The following RELN variants were observed in gnomAD, a reference collection of about 807,000 sequenced individuals.
RELN encodes reelin.
Under a neutral mutation model 427.6 loss-of-function variants are expected in RELN, and 108 were observed. The observed-to-expected ratio is 0.25, with a 90% CI of 0.22 to 0.30. The LOEUF is 0.30. Ranked by LOEUF, RELN falls within the 10% of genes least tolerant of loss-of-function variation. RELN has a pLI of 1.00. For synonymous variants in RELN, 1,524 were observed against 1,513.4 expected (o/e 1.01, Z -0.16); for missense variants, 3,715 against 4,302.8 (o/e 0.86, Z 3.82).
At chr7:103,669,687 T>G (rs1833348859) in intron 11 of RELN, among the ~76,000 whole-genome samples, 1 of 152,112 alleles carries the variant, frequency 6.6e-6, no homozygotes, top group Non-Finnish European at 1.5e-5. Flanking sequence ...ACATCTCGGA[T>G]GGCATGGCAA....
At chr7:103,742,312 G>A (rs112217064) in intron 6 of RELN, among the ~76,000 whole-genome samples, 46,157 of 151,912 alleles carry the variant, frequency 0.3, 7,713 homozygotes, top group Non-Finnish European at 0.38. Flanking sequence ...CACAAAGATG[G>A]GAAAAAAACA....
At chr7:103,946,314 T>C (rs1584391609) in intron 1 of RELN, among the ~76,000 whole-genome samples, 1 of 152,344 alleles carries the variant, frequency 6.6e-6, no homozygotes, top group Non-Finnish European at 1.5e-5. Flanking sequence ...CTTTTTAAGA[T>C]AACTATGGCT....
chr7:103,691,619 C>T (rs553765172), intron 10 of RELN, among the ~76,000 whole-genome samples: 3 of 152,134 alleles, frequency 2.0e-5, no homozygotes, highest in South Asian at 4.1e-4. Flanking sequence ...TCCAGACCAG[C>T]CTGCCTAACA....
chr7:103,897,926 T>C (rs1794997404), intron 2 of RELN, among the ~76,000 whole-genome samples: 1 of 152,144 alleles, frequency 6.6e-6, no homozygotes, highest in South Asian at 2.1e-4. Flanking sequence ...ACTCTCTCCC[T>C]AGCCTACTTC....
chr7:103,503,217 C>T lies in RELN; in HGVS notation c.8288G>A (p.Cys2763Tyr). Residue 2763 changes from cysteine to tyrosine, a missense_variant, in exon 52 of 65, where the codon TGT becomes TAT. Physicochemically the swap from Cys to Tyr is radical, Grantham distance 194. This residue lies in a region of RELN where 1,310 missense variants were observed against 1,643.0 expected (regional missense o/e 0.80). Transcript: ENST00000428762. ...WIMQFKISVG[C>Y]KVSEKIAQNQ... ...CTGGGCAATTTTTTCAGACACCTTA[C>T]ATCCAACTGAGATCTAATAAACAGA... 6.8e-6 allele frequency: 11 copies of T among 1,613,944 alleles called. No homozygotes were observed. The highest frequency in any genetic ancestry group is 5.9e-6 in the Non-Finnish European group (7 of 1,179,824).
intron 2 of RELN, among the ~76,000 whole-genome samples, chr7:103,876,447 T>C (rs1238360573): frequency 6.6e-6 from 1 of 152,168 alleles, no homozygotes; most frequent in South Asian, 2.1e-4. Context: ...AAAGTATTTA[T>C]TGGTCTATGC....
intron 46 of RELN, among the ~76,000 whole-genome samples, chr7:103,529,721 T>C (rs542561766): frequency 7.9e-5 from 12 of 152,160 alleles, no homozygotes; most frequent in Non-Finnish European, 1.5e-4. Flanking sequence ...GCAGTACTAA[T>C]ACAGTGGTTA....
chr7:103,863,599 G>A (rs949453474), intron 2 of RELN, among the ~76,000 whole-genome samples: 1 of 152,090 alleles, frequency 6.6e-6, no homozygotes, highest in Non-Finnish European at 1.5e-5. Flanking sequence ...AACCCTTAGA[G>A]CTTTGAGGAA....
chr7:103,639,625 C>T (rs1319054121), intron 17 of RELN, among the ~76,000 whole-genome samples: 1 of 152,028 alleles, frequency 6.6e-6, no homozygotes, highest in East Asian at 1.9e-4. Flanking sequence ...GTCTCGAACT[C>T]CTGACCTCAA....
intron 3 of RELN, among the ~76,000 whole-genome samples, chr7:103,798,064 C>G (rs1339665904): frequency 1.3e-5 from 2 of 152,140 alleles, no homozygotes; most frequent in Admixed American, 6.5e-5. Flanking sequence ...TTCCCTGCTC[C>G]GTACTCTTGG....
chr7:103,783,729 G>T (rs887813043), intron 3 of RELN, among the ~76,000 whole-genome samples: 4 of 152,096 alleles, frequency 2.6e-5, no homozygotes, highest in Non-Finnish European at 5.9e-5. Context: ...TTTAAGTATG[G>T]CAAATCAATG....
intron 55 of RELN, 111 bp downstream of exon 55, chr7:103,497,709 T>C: frequency 1.1e-6 from 1 of 871,686 alleles, no homozygotes; most frequent in South Asian, 1.4e-5. Flanking sequence ...TCTTTGTGAG[T>C]TTCACAATTC....
At chr7:103,925,268 C>A (rs1263150920) in intron 1 of RELN, among the ~76,000 whole-genome samples, 7 of 151,960 alleles carry the variant, frequency 4.6e-5, no homozygotes, top group Non-Finnish European at 8.8e-5. Context: ...AATTCTCTAC[C>A]CATTTTTAGC....
chr7:103,834,751 C>G (rs902570668), intron 2 of RELN, among the ~76,000 whole-genome samples: 5 of 152,052 alleles, frequency 3.3e-5, no homozygotes, highest in Non-Finnish European at 7.4e-5. Flanking sequence ...TAATGAGATA[C>G]CACTACACAC....
intron 36 of RELN, 99 bp downstream of exon 36, chr7:103,561,433 T>C: frequency 1.0e-6 from 1 of 973,076 alleles, no homozygotes. Flanking sequence ...AAATATTATG[T>C]CATTTGAAGA....
At chr7:103,477,940 A>G (rs75649212) in intron 64 of RELN, among the ~76,000 whole-genome samples, 2,198 of 152,308 alleles carry the variant, frequency 0.014, 60 homozygotes, top group African/African-American at 0.051. Flanking sequence ...AGGGACCCTC[A>G]TGCATCTTCA....
At chr7:103,654,694 T>C (rs1005550128) in intron 12 of RELN, among the ~76,000 whole-genome samples, 2 of 152,152 alleles carry the variant, frequency 1.3e-5, no homozygotes, top group Non-Finnish European at 2.9e-5. Context: ...ATTTGTACTT[T>C]AAATGCAATT....
intron 2 of RELN, among the ~76,000 whole-genome samples, chr7:103,837,976 G>A (rs1361306675): frequency 2.6e-5 from 4 of 152,104 alleles, no homozygotes; most frequent in African/African-American, 7.2e-5. Flanking sequence ...GGGAGGCCGA[G>A]GTGGGTGGAT....
rs370122262 is a variant in RELN at position 103,761,559 on chromosome 7, C to T, written c.545-8345G>A. Among the ~76,000 whole-genome samples the T allele has an allele frequency of 9.3e-4, 142 of 152,106 alleles. 1 individual carries two copies. Among genetic ancestry groups the T allele is most frequent in the Middle Eastern group, 3.4e-3 (1 of 294 alleles). The stretch of plus-strand genomic sequence containing the variant: ...TCTCAACCTCCTAGGCTTAAATGAT[C>T]CTCCTGCCTCAGCCTCCCAAGAAGC... On this transcript the variant is annotated intron_variant, in intron 4 of 64. Transcript: ENST00000428762.
Sources: gnomAD v4.1 joint callset for allele counts (sites outside exome capture counted in the v4.1 genomes callset) on GRCh38, gnomAD v4.1.1 for gene constraint, gnomAD v4.1.1 regional missense constraint, MANE v1.5 for transcripts, NCBI Gene and HGNC (gene_info 2026-07-23, HGNC 2026-07-21) for gene names.